The following TBK1 variants were observed in gnomAD, a reference collection of about 807,000 sequenced individuals.
TBK1 encodes TANK binding kinase 1.
In TBK1, 37 loss-of-function variants were observed where a neutral mutation model predicts 99.9. The ratio of observed to expected loss-of-function variants is 0.37; its 90% CI spans 0.28 to 0.49. The LOEUF (loss-of-function observed/expected upper bound fraction) is 0.49. TBK1 is among the 20% of genes least tolerant of loss of function. The pLI is 0.98. For synonymous variants in TBK1, 258 were observed against 279.8 expected, an observed-to-expected ratio of 0.92 and a Z score of 0.78; for missense variants, 644 against 872.5, an observed-to-expected ratio of 0.74 and a Z score of 3.30.
chr12:64,499,402 TTGGCAACATTGAATG>T (rs1291830938), intron 20 of TBK1, among the ~76,000 whole-genome samples: 169 of 152,250 alleles, frequency 1.1e-3, no homozygotes, highest in African/African-American at 3.7e-3. Context: ...ACCTATGCAT[TTGGCAACATTGAATG>T]TATAACATCT....
At chr12:64,458,200 A>G (rs183248270) in intron 2 of TBK1, among the ~76,000 whole-genome samples, 28 of 152,106 alleles carry the variant, frequency 1.8e-4, no homozygotes, top group Admixed American at 3.3e-4. Flanking sequence ...GCTTTGAGAA[A>G]CCATATTTGT....
chr12:64,491,823 C>G (rs952315269), intron 13 of TBK1, among the ~76,000 whole-genome samples: 8 of 152,104 alleles, frequency 5.3e-5, no homozygotes, highest in African/African-American at 1.7e-4. Context: ...TAATGAACAA[C>G]TAGTAGGTTA....
intron 3 of TBK1, among the ~76,000 whole-genome samples, chr12:64,460,869 T>A (rs1411565001): frequency 6.8e-6 from 1 of 147,084 alleles, no homozygotes; most frequent in Non-Finnish European, 1.5e-5. Context: ...TCATTTGAGC[T>A]CAGGAATTCA....
chr12:64,501,378 T>C lies in TBK1; in HGVS notation c.2187T>C (p.Leu729=). The C allele has an allele frequency of 6.2e-7, 1 of 1,613,794 alleles. No homozygotes were observed. Among genetic ancestry groups the C allele is most frequent in the Non-Finnish European group, 8.5e-7 (1 of 1,179,918 alleles). ...GTGGCCTTCGCAACGTTGACTGTCT[T>C]TAGCTTTCTAATAGAAGTTTAAGAA... ...MDGGLRNVDC[L] Residue 729 remains leucine (L), a synonymous_variant, in exon 21 of 21, where the codon CTT becomes CTC. Coordinates refer to ENST00000331710, the MANE Select transcript of TBK1 (RefSeq NM_013254.4).
intron 3 of TBK1, among the ~76,000 whole-genome samples, chr12:64,463,463 T>C (rs930101681): frequency 6.6e-6 from 1 of 150,904 alleles, no homozygotes; most frequent in African/African-American, 2.4e-5. Flanking sequence ...CTTTGGGAGG[T>C]TGAGGCAGGC....
At chr12:64,454,831 C>G (rs1282594895) in intron 1 of TBK1, among the ~76,000 whole-genome samples, 4 of 151,476 alleles carry the variant, frequency 2.6e-5, no homozygotes, top group African/African-American at 4.9e-5. Flanking sequence ...CGCCCGCCAC[C>G]ATGCCCGGCT....
Position 64,486,013 on chromosome 12 carries a change from C to T in TBK1, c.1336C>T (p.Leu446=). 1 of 1,578,884 alleles carries T rather than the reference C, an allele frequency of 6.3e-7. No homozygotes were observed. Among genetic ancestry groups the T allele is most frequent in the Non-Finnish European group, 8.6e-7 (1 of 1,164,388 alleles). The change falls in exon 11 of 21, where the codon CTG becomes TTG. Residue 446 remains leucine, a synonymous_variant. Coordinates refer to ENST00000331710, the MANE Select transcript of TBK1 (RefSeq NM_013254.4). ...QELMRKGIRW[L]IELIKDDYNE... ...ATTAATGCGAAAGGGGATACGATGG[C>T]TGATGTAAGTAATAGATTGAAATTT...
intron 20 of TBK1, among the ~76,000 whole-genome samples, chr12:64,500,869 C>CT (rs1437464653): frequency 4.6e-5 from 7 of 151,518 alleles, no homozygotes; most frequent in Non-Finnish European, 8.8e-5. Context: ...AGCAATTCTC[C>CT]TGCCTCAGCC....
chr12:64,474,564 TA>T (rs1455558612), intron 6 of TBK1, among the ~76,000 whole-genome samples, 174 bp downstream of exon 6: 9 of 152,212 alleles, frequency 5.9e-5, no homozygotes, highest in Non-Finnish European at 1.3e-4. Flanking sequence ...TGCATAATTT[TA>T]TGTTTAAGAT....
intron 18 of TBK1, 121 bp downstream of exon 18, chr12:64,497,380 G>A: frequency 1.4e-6 from 1 of 730,956 alleles, no homozygotes; most frequent in Non-Finnish European, 2.1e-6. Flanking sequence ...TTTTTAATAT[G>A]TATTTTGAGC....
intron 20 of TBK1, among the ~76,000 whole-genome samples, chr12:64,501,011 G>A (rs1044680431): frequency 5.9e-5 from 9 of 151,934 alleles, no homozygotes; most frequent in East Asian, 5.8e-4. Context: ...TGCCTGCCTC[G>A]GCCTCCCAAA....
chr12:64,495,895 G>T, intron 15 of TBK1, 120 bp downstream of exon 15: 1 of 568,136 alleles, frequency 1.8e-6, no homozygotes, highest in Non-Finnish European at 2.8e-6. Flanking sequence ...TTTCAGAGAT[G>T]TGATTCTGTC....
intron 4 of TBK1, among the ~76,000 whole-genome samples, 161 bp from the exon 5 acceptor site, chr12:64,466,738 TTA>T (rs150489787): frequency 2.0e-5 from 3 of 151,134 alleles, no homozygotes; most frequent in Admixed American, 6.6e-5. Context: ...ATAACATCTT[TTA>T]TATATATATA....
Position 64,464,354 on chromosome 12 carries a change from A to G in TBK1, c.249A>G (p.Val83=). Residue 83 remains valine (V), a synonymous_variant, in exon 4 of 21, where the codon GTA becomes GTG. Transcript: ENST00000331710. ...IEEETTTRHK[V]LIMEFCPCGS... is the part of the protein sequence containing the mutation. ...TTCAGACAACAACAAGACATAAAGTACTTATTATGGAATTTTGTCCATGTG... is the reference window on the plus strand; with the variant it reads ...TTCAGACAACAACAAGACATAAAGTGCTTATTATGGAATTTTGTCCATGTG... The G allele has an allele frequency of 6.3e-7, 1 of 1,596,058 alleles. No individual in the cohort carries two copies. The highest frequency in any genetic ancestry group is 8.5e-7 in the Non-Finnish European group (1 of 1,173,054).
At chr12:64,488,928 G>T (rs1461648929) in intron 12 of TBK1, among the ~76,000 whole-genome samples, 2 of 152,182 alleles carry the variant, frequency 1.3e-5, no homozygotes, top group Non-Finnish European at 2.9e-5. Flanking sequence ...GAAGGCAGAG[G>T]TTGCAGTGAG....
At chr12:64,496,530 AG>A (rs1307473113) in intron 16 of TBK1, 124 bp downstream of exon 16, 1 of 522,662 alleles carries the variant, frequency 1.9e-6, no homozygotes, top group Non-Finnish European at 3.1e-6. Context: ...TTGATTTTAC[AG>A]GATTGTTACA....
chr12:64,455,867 C>G lies in TBK1; in HGVS notation c.-4C>G, dbSNP rs1315895766. 1 of 1,606,072 alleles carries G rather than the reference C, an allele frequency of 6.2e-7. No homozygotes were observed. Among genetic ancestry groups the G allele is most frequent in the East Asian group, 2.2e-5 (1 of 44,832 alleles). On this transcript the variant is annotated 5_prime_UTR_variant, in exon 2 of 21. Transcript: ENST00000331710. ...TAACAAGAGGATTGCCTGATCCAGC[C>G]AAGATGCAGAGCACTTCTAATCATC...
intron 13 of TBK1, among the ~76,000 whole-genome samples, chr12:64,494,683 T>C (rs1352338823): frequency 6.6e-6 from 1 of 152,192 alleles, no homozygotes; most frequent in Non-Finnish European, 1.5e-5. Context: ...GAAAACACTC[T>C]TGAAAAAATG....
chr12:64,487,344 G>GTT (rs2040829716), intron 11 of TBK1, among the ~76,000 whole-genome samples: 1 of 152,144 alleles, frequency 6.6e-6, no homozygotes, highest in African/African-American at 2.4e-5. Flanking sequence ...GCTTTTGACA[G>GTT]TTTATGTATG....
Sources: allele counts gnomAD v4.1 joint callset (sites outside exome capture counted in the v4.1 genomes callset), GRCh38; gene constraint gnomAD v4.1.1; transcripts MANE v1.5; gene names NCBI Gene and HGNC (gene_info 2026-07-23, HGNC 2026-07-21).